The following TSNAX variants were observed in gnomAD, a reference collection of about 807,000 sequenced individuals.
The protein encoded by TSNAX is translin associated factor X.
Under a neutral mutation model 33.0 loss-of-function variants are expected in TSNAX, and 12 were observed. The ratio of observed to expected loss-of-function variants is 0.36; its 90% confidence interval spans 0.23 to 0.59. The LOEUF (loss-of-function observed/expected upper bound fraction) is 0.59. Ranked by LOEUF, TSNAX falls within the 20% of genes least tolerant of loss-of-function variation. The pLI, the probability that TSNAX is intolerant of heterozygous loss-of-function variation, is 0.74. For synonymous variants in TSNAX, 110 were observed against 117.2 expected, an observed-to-expected ratio of 0.94 and a Z score of 0.40; for missense variants, 267 against 341.3, an observed-to-expected ratio of 0.78 and a Z score of 1.72.
At chr1:231,548,868 G>A (rs1045672273) in intron 4 of TSNAX, among the ~76,000 whole-genome samples, 1 of 152,036 alleles carries the variant, frequency 6.6e-6, no homozygotes, top group Admixed American at 6.6e-5. Context: ...AGAGTGTAGA[G>A]TGAGAATAAA....
chr1:231,536,666 T>C (rs1659195424), intron 2 of TSNAX: 1 of 152,224 alleles, frequency 6.6e-6, no homozygotes, highest in Non-Finnish European at 1.5e-5. Context: ...CTGTTAGTGA[T>C]GTATACCTAG....
chr1:231,547,395 T>C lies in TSNAX; in HGVS notation c.367+4784T>C, dbSNP rs985650313. ...GGCTTTTTCTTTTTTTTTTCTTTTT[T>C]TTTTTTTTTTTTTGAGATGGAGTCT... On this transcript the variant is annotated intron_variant, in intron 4 of 5. Transcript: ENST00000366639. Among the ~76,000 whole-genome samples, 4 of 142,400 alleles carry C rather than the reference T, an allele frequency of 2.8e-5. No homozygotes were observed. In the East Asian group the frequency reaches 7.9e-4, roughly 28 times the overall value. The allele number at this position is 142,400 out of a possible 152,430, so 93.4% of individuals were successfully genotyped here. A position where few individuals can be genotyped will look rare whatever the true frequency, so the allele number is the denominator to read the frequency against.
Position 231,536,655 on chromosome 1 carries a change from G to A in TSNAX, c.122-558G>A, listed in dbSNP as rs558478656. 2.6e-5 allele frequency: 4 copies of A among 152,286 alleles called. No individual in the cohort carries two copies. In the East Asian group the frequency reaches 5.8e-4, roughly 22 times the overall value. The allele number at this position is 152,286 out of a possible 1,614,324, so 9.4% of individuals were successfully genotyped here. ...ACTGGACCTCTTGAGCTACTTTAGC[G>A]CTGTTAGTGATGTATACCTAGGATA... On this transcript the variant is annotated intron_variant, in intron 2 of 5. Transcript: ENST00000366639.
chr1:231,540,278 T>G (rs1659490374), intron 3 of TSNAX, among the ~76,000 whole-genome samples: 3 of 151,978 alleles, frequency 2.0e-5, no homozygotes, highest in Admixed American at 2.0e-4. Flanking sequence ...ACTACAAAAT[T>G]ATTTTAATAG....
intron 4 of TSNAX, among the ~76,000 whole-genome samples, chr1:231,553,434 A>G (rs185201334): frequency 6.5e-4 from 99 of 152,282 alleles, no homozygotes; most frequent in African/African-American, 2.2e-3. Flanking sequence ...AAATAATTCT[A>G]ATTGGATTTC....
chr1:231,551,772 A>T (rs1390064739), intron 4 of TSNAX, among the ~76,000 whole-genome samples: 1 of 150,348 alleles, frequency 6.7e-6, no homozygotes, highest in South Asian at 2.1e-4. Context: ...TGTGCAACTT[A>T]GCAAAACCCT....
rs1215872911 is a variant in TSNAX, at chr1:231,529,338, C to T, written c.100C>T (p.Pro34Ser). The T allele has an allele frequency of 1.2e-6, 2 of 1,613,984 alleles. No individual in the cohort carries two copies. The highest frequency in any genetic ancestry group is 2.7e-5 in the African/African-American group (2 of 74,892). ...REGKDVNSSS[P>S]VMLAFKSFQQ... ...AGGGAAGGATGTTAATTCATCTTCACCCGTGATGTTGGCCTTTAAATGTAA... is the reference window on the plus strand; with the variant it reads ...AGGGAAGGATGTTAATTCATCTTCATCCGTGATGTTGGCCTTTAAATGTAA... The change falls in exon 2 of 6, where the codon CCC (proline) becomes TCC (serine). Residue 34 changes from proline to serine, a missense_variant. This residue lies in a region of TSNAX where 200 missense variants were observed against 214.1 expected (regional missense o/e 0.93). Coordinates refer to ENST00000366639, the MANE Select transcript of TSNAX (RefSeq NM_005999.3).
chr1:231,543,700 A>G (rs1659723017), intron 4 of TSNAX, among the ~76,000 whole-genome samples: 1 of 152,216 alleles, frequency 6.6e-6, no homozygotes. Context: ...TATGGGTAAG[A>G]GAAAGTACCA....
At chr1:231,558,714 G>C (rs937122960) in intron 4 of TSNAX, among the ~76,000 whole-genome samples, 10 of 151,920 alleles carry the variant, frequency 6.6e-5, no homozygotes, top group African/African-American at 2.4e-4. Context: ...CTTTGGGGGG[G>C]AACTGGGCGG....
intron 4 of TSNAX, among the ~76,000 whole-genome samples, chr1:231,553,312 A>G (rs1018271834): frequency 6.6e-6 from 1 of 152,238 alleles, no homozygotes; most frequent in African/African-American, 2.4e-5. Flanking sequence ...AATAATCAGA[A>G]GCCTTTAACT....
intron 4 of TSNAX, among the ~76,000 whole-genome samples, chr1:231,544,912 G>A (rs890857310): frequency 4.7e-5 from 7 of 149,800 alleles, no homozygotes; most frequent in Admixed American, 1.4e-4. Flanking sequence ...TATCATTGAG[G>A]ATTATTATAA....
chr1:231,560,661 G>A (rs1481515683), intron 4 of TSNAX, among the ~76,000 whole-genome samples: 2 of 149,694 alleles, frequency 1.3e-5, no homozygotes, highest in African/African-American at 4.9e-5. Flanking sequence ...CAGGTGATCC[G>A]CCCACCTCAG....
At chr1:231,541,596 A>ATATT (rs34860958) in intron 3 of TSNAX, among the ~76,000 whole-genome samples, 72,005 of 151,606 alleles carry the variant, frequency 0.47, 18,807 homozygotes, top group African/African-American at 0.7. Context: ...AATAAGAAAA[A>ATATT]TATTTATCCA....
chr1:231,550,202 G>A (rs1407657303), intron 4 of TSNAX, among the ~76,000 whole-genome samples: 1 of 152,174 alleles, frequency 6.6e-6, no homozygotes, highest in East Asian at 1.9e-4. Context: ...CATATAATCA[G>A]CATATTTGGG....
chr1:231,549,778 T>C (rs542611976), intron 4 of TSNAX, among the ~76,000 whole-genome samples: 10 of 152,314 alleles, frequency 6.6e-5, no homozygotes, highest in African/African-American at 2.4e-4. Flanking sequence ...AATACAAATT[T>C]CAGCACATGT....
At position 231,542,602 on chromosome 1, in the gene TSNAX, A is replaced by T. The variant is rs757662645; in HGVS notation, c.358A>T (p.Ile120Phe). 2.5e-6 allele frequency: 4 copies of T among 1,613,850 alleles called. No individual in the cohort carries two copies. Among genetic ancestry groups the T allele is most frequent in the Non-Finnish European group, 3.4e-6 (4 of 1,179,882 alleles). ...GEDMHQFHRAITTGLQEYVEA... is the reference protein window; with the variant it reads ...GEDMHQFHRAFTTGLQEYVEA... ...AGATATGCATCAGTTCCATCGAGCC[A>T]TTACTACAGGTAAGTCTAGGTTTGT... Residue 120 changes from isoleucine to phenylalanine, a missense_variant, in exon 4 of 6, where the codon ATT becomes TTT. Physicochemically the swap from Ile to Phe is conservative, Grantham distance 21. This residue lies in a region of TSNAX where 200 missense variants were observed against 214.1 expected (regional missense o/e 0.93). Coordinates refer to ENST00000366639, the MANE Select transcript of TSNAX (RefSeq NM_005999.3).
rs957543672 is a variant in TSNAX at position 231,566,165 on chromosome 1, C to A, written c.*1260C>A. The A allele has an allele frequency of 2.0e-5, 3 of 152,392 alleles. No individual in the cohort carries two copies. Among genetic ancestry groups the A allele is most frequent in the African/African-American group, 7.3e-5 (3 of 41,378 alleles). 9.4% of individuals were successfully genotyped at this position (152,392 alleles called of 1,614,324 possible). ...ATAATTATAATGAAGTTTTGAAATA[C>A]TAAGTTAATCCAGACCTTTAGTTGT... On this transcript the variant is annotated 3_prime_UTR_variant, in exon 6 of 6. Transcript: ENST00000366639.
intron 4 of TSNAX, 82 bp from the exon 5 acceptor site, chr1:231,561,046 T>TGA (rs1254963164): frequency 7.2e-7 from 1 of 1,387,850 alleles, no homozygotes; most frequent in Non-Finnish European, 9.9e-7. Flanking sequence ...AACTAGATGA[T>TGA]GATCAATATG....
In TSNAX at chr1:231,566,001, T is replaced by A. The variant is rs1373655577; in HGVS notation, c.*1096T>A. On this transcript the variant is annotated 3_prime_UTR_variant, in exon 6 of 6. Transcript: ENST00000366639. ...GGAAATGCTTTTAGTAGTGATTATT[T>A]AGCAATTTTTGTTTTTGTTATATTA... 1 of 152,180 alleles carries A rather than the reference T, an allele frequency of 6.6e-6. No individual in the cohort carries two copies. The highest frequency in any genetic ancestry group is 1.5e-5 in the Non-Finnish European group (1 of 68,018). 9.4% of individuals were successfully genotyped at this position (152,180 alleles called of 1,614,324 possible). A position where few individuals can be genotyped will look rare whatever the true frequency, so the allele number is the denominator to read the frequency against.
Sources: gnomAD v4.1 joint callset for allele counts (sites outside exome capture counted in the v4.1 genomes callset) on GRCh38, gnomAD v4.1.1 for gene constraint, gnomAD v4.1.1 regional missense constraint, MANE v1.5 for transcripts, NCBI Gene and HGNC (gene_info 2026-07-23, HGNC 2026-07-21) for gene names.